PIWIL1: variants seen among roughly 807,000 people sequenced by gnomAD.
PIWIL1 encodes piwi like RNA-mediated gene silencing 1, also known as piwi-like protein 1.
Under a neutral mutation model 114.4 loss-of-function variants are expected in PIWIL1, and 73 were observed. The ratio of observed to expected loss-of-function variants is 0.64; its 90% CI spans 0.53 to 0.78. The LOEUF (loss-of-function observed/expected upper bound fraction) is 0.78. PIWIL1 is among the 30% of genes least tolerant of loss of function. PIWIL1 has a pLI of 0.00. For synonymous variants in PIWIL1, 375 were observed against 369.0 expected (o/e 1.02, Z -0.19); for missense variants, 723 against 1,063.1 (o/e 0.68, Z 4.45).
At chr12:130,348,517 G>C (rs74933999) in intron 7 of PIWIL1, among the ~76,000 whole-genome samples, 1 of 152,138 alleles carries the variant, frequency 6.6e-6, no homozygotes, top group African/African-American at 2.4e-5. Context: ...CCGTGCCTCA[G>C]TGATGGGACC....
chr12:130,380,042 A>C, the PIWIL1 span, among the ~76,000 whole-genome samples: 1 of 96,878 alleles, frequency 1.0e-5, no homozygotes, highest in Non-Finnish European at 1.9e-5. Context: ...AGTTCCTTCA[A>C]CTCCCTCATC....
the PIWIL1 span, among the ~76,000 whole-genome samples, chr12:130,415,906 A>G: frequency 6.6e-6 from 1 of 152,192 alleles, no homozygotes; most frequent in Non-Finnish European, 1.5e-5. Flanking sequence ...CTATACACCA[A>G]TAAATTGTTC....
chr12:130,362,889 A>T lies in PIWIL1; in HGVS notation c.2041+53A>T, dbSNP rs1029613291. 26 of 1,610,922 alleles carry T rather than the reference A, an allele frequency of 1.6e-5. No individual in the cohort carries two copies. The East Asian group carries it at 4.9e-4, about 30-fold the overall frequency. On this transcript the variant is annotated intron_variant, in intron 17 of 20. Coordinates refer to ENST00000245255, the MANE Select transcript of PIWIL1 (RefSeq NM_004764.5). Reference sequence around the variant, plus strand: ...ACTCTCTAAACTGGGGTCTTCCAGAAATTACCCTGAACTGTGTTATTGATG... The same window carrying T: ...ACTCTCTAAACTGGGGTCTTCCAGATATTACCCTGAACTGTGTTATTGATG...
chr12:130,402,945 G>GACTT, the PIWIL1 span, among the ~76,000 whole-genome samples: 1 of 152,212 alleles, frequency 6.6e-6, no homozygotes, highest in African/African-American at 2.4e-5. Flanking sequence ...AGTCTTCAGT[G>GACTT]ACTTAATGGG....
chr12:130,361,082 A>G (rs2073496509), intron 14 of PIWIL1, 98 bp from the exon 15 acceptor site: 1 of 936,268 alleles, frequency 1.1e-6, no homozygotes, highest in Non-Finnish European at 1.7e-6. Context: ...CATGTTCTTG[A>G]CATTGATACT....
At chr12:130,395,963 T>C in the PIWIL1 span, among the ~76,000 whole-genome samples, 1 of 151,230 alleles carries the variant, frequency 6.6e-6, no homozygotes, top group Non-Finnish European at 1.5e-5. Flanking sequence ...AGTATGAGAG[T>C]GTCACAACAT....
chr12:130,425,457 C>T, the PIWIL1 span: 31,378 of 152,422 alleles, frequency 0.21, 3,574 homozygotes, highest in East Asian at 0.41. Context: ...GCCCCACCAA[C>T]AGCGCCCGCA....
chr12:130,348,720 A>T (rs1042492207), intron 7 of PIWIL1, among the ~76,000 whole-genome samples: 82 of 152,168 alleles, frequency 5.4e-4, no homozygotes, highest in African/African-American at 1.8e-3. Context: ...GGCCAAGATG[A>T]TGAAACCCCG....
the PIWIL1 span, among the ~76,000 whole-genome samples, chr12:130,381,449 C>G: frequency 1.6e-4 from 25 of 152,304 alleles, no homozygotes; most frequent in African/African-American, 5.8e-4. Flanking sequence ...GTTGGCTTCT[C>G]TCTCTCAGTA....
the PIWIL1 span, among the ~76,000 whole-genome samples, chr12:130,403,542 A>G: frequency 6.6e-6 from 1 of 152,212 alleles, no homozygotes; most frequent in Non-Finnish European, 1.5e-5. Context: ...AACTGATAAG[A>G]TAACCATTTA....
chr12:130,347,815 C>T (rs1350828777), intron 6 of PIWIL1, among the ~76,000 whole-genome samples: 1 of 152,242 alleles, frequency 6.6e-6, no homozygotes, highest in East Asian at 1.9e-4. Flanking sequence ...CAGCCAGACA[C>T]AGCGTGTGAG....
chr12:130,348,269 A>C, intron 7 of PIWIL1, 86 bp downstream of exon 7: 1 of 708,230 alleles, frequency 1.4e-6, no homozygotes, highest in South Asian at 1.8e-5. Flanking sequence ...GGTCAAATTT[A>C]CTACAGTGAC....
At chr12:130,357,960 G>A (rs540583503) in intron 14 of PIWIL1, among the ~76,000 whole-genome samples, 15 of 152,302 alleles carry the variant, frequency 9.8e-5, no homozygotes, top group East Asian at 1.9e-4. Flanking sequence ...GAGTAGGGTC[G>A]CAGAGAGCAG....
At chr12:130,349,990 T>G in intron 9 of PIWIL1, 23 bp downstream of exon 9, 1 of 1,285,608 alleles carries the variant, frequency 7.8e-7, no homozygotes, top group Non-Finnish European at 1.1e-6. Flanking sequence ...TGGTTAGATC[T>G]CAGGAGAAAT....
intron 16 of PIWIL1, among the ~76,000 whole-genome samples, chr12:130,362,142 G>A (rs532816497): frequency 6.6e-6 from 1 of 152,258 alleles, no homozygotes; most frequent in South Asian, 2.1e-4. Flanking sequence ...CTCGTGTCAT[G>A]GGGTTTGTGG....
chr12:130,377,359 A>G (rs554750819), downstream of PIWIL1, among the ~76,000 whole-genome samples: 574 of 152,236 alleles, frequency 3.8e-3, 2 homozygotes, highest in Non-Finnish European at 5.2e-3. Context: ...GTGGTCCTTG[A>G]TCCTTGGGTG....
the PIWIL1 span, chr12:130,424,315 T>C: frequency 1.6e-6 from 2 of 1,231,374 alleles, no homozygotes; most frequent in Non-Finnish European, 2.0e-6. The surrounding 1 kb of genome is among the most constrained non-coding windows in gnomAD (Gnocchi z 9.8). Flanking sequence ...GGGTCGTCGT[T>C]CCTGAGGAGG....
the PIWIL1 span, among the ~76,000 whole-genome samples, chr12:130,386,210 A>T: frequency 1.3e-4 from 20 of 152,248 alleles, no homozygotes; most frequent in African/African-American, 4.3e-4. Flanking sequence ...TAGAAAGGCT[A>T]AGATGCTCAG....
the PIWIL1 span, among the ~76,000 whole-genome samples, chr12:130,409,856 A>G: frequency 6.6e-6 from 1 of 152,202 alleles, no homozygotes; most frequent in East Asian, 1.9e-4. Flanking sequence ...ACAAACATTC[A>G]TGTACAGTTT....
Sources: allele counts gnomAD v4.1 joint callset (sites outside exome capture counted in the v4.1 genomes callset), GRCh38; gene constraint gnomAD v4.1.1; non-coding constraint Gnocchi (gnomAD v3.1); transcripts MANE v1.5; gene names NCBI Gene and HGNC (gene_info 2026-07-23, HGNC 2026-07-21).